EEA1: variants seen among roughly 807,000 people sequenced by gnomAD.
The protein encoded by EEA1 is early endosome antigen 1, also known as early endosome antigen 1, 162kD.
EEA1 carries 111 observed loss-of-function variants against 209.2 expected under a neutral mutation model. The ratio of observed to expected loss-of-function variants is 0.53; its 90% CI spans 0.45 to 0.62. The LOEUF (loss-of-function observed/expected upper bound fraction) is 0.62, where lower values mean the gene tolerates loss of function less well. EEA1 is among the 20% of genes least tolerant of loss of function. The probability of loss-of-function intolerance (pLI) is 0.00; values close to 1 mark genes in which losing one functional copy is unlikely to be tolerated. For missense variants in EEA1, 1,343 were observed against 1,530.8 expected (o/e 0.88, Z 2.05); for synonymous variants, 536 against 540.6 (o/e 0.99, Z 0.12).
At position 92,880,722 on chromosome 12, in the gene EEA1, G is replaced by A. The variant is rs1378669654; in HGVS notation, c.117+10907C>T. Among the ~76,000 whole-genome samples, 14 of 152,172 alleles carry A rather than the reference G, an allele frequency of 9.2e-5. No individual in the cohort carries two copies. In the East Asian group the frequency reaches 9.6e-4, roughly 10 times the overall value. ...GATCTCCTGACCTCGTGATCAGCCC[G>A]CCTCGGCCTCCCAAAGTGCTGGGAT... On this transcript the variant is annotated intron_variant, in intron 2 of 28. Transcript: ENST00000322349.
chr12:92,829,634 T>G (rs1876513134), intron 11 of EEA1, among the ~76,000 whole-genome samples: 1 of 151,000 alleles, frequency 6.6e-6, no homozygotes, highest in Non-Finnish European at 1.5e-5. Flanking sequence ...AGAAAGTCAG[T>G]CAGGTGTGGT....
At position 92,908,121 on chromosome 12, in the gene EEA1, A is replaced by G. The variant is rs148567184; in HGVS notation, c.25-16400T>C. 4.0e-3 allele frequency among the ~76,000 whole-genome samples: 605 copies of G among 152,378 alleles called. 4 individuals carry two copies. Among genetic ancestry groups the G allele is most frequent in the African/African-American group, 0.014 (569 of 41,592 alleles). ...TGGATAAACAAAAGGTAGTATATAC[A>G]TCCACAATGAAATATTATTCAGCCT... On this transcript the variant is annotated intron_variant, in intron 1 of 28. Transcript: ENST00000322349.
chr12:92,926,251 C>T (rs1477516385), intron 1 of EEA1, among the ~76,000 whole-genome samples: 1 of 151,520 alleles, frequency 6.6e-6, no homozygotes, highest in Non-Finnish European at 1.5e-5. Flanking sequence ...TCTCGGCCTC[C>T]CAAAGTGCTG....
chr12:92,927,769 T>C (rs4760404), intron 1 of EEA1, among the ~76,000 whole-genome samples: 39,280 of 152,134 alleles, frequency 0.26, 5,576 homozygotes, highest in Non-Finnish European at 0.32. Context: ...ATGGGGAAAG[T>C]AAAGGACATG....
chr12:92,884,532 G>A, intron 2 of EEA1: 2 of 1,490,040 alleles, frequency 1.3e-6, no homozygotes, highest in South Asian at 2.3e-5. Flanking sequence ...AATGATTTTG[G>A]CAATTACAAC....
rs115836834 is a variant in EEA1 at position 92,778,443 on chromosome 12, C to A, written c.3655-264G>T. Among the ~76,000 whole-genome samples the A allele has an allele frequency of 3.2e-3, 489 of 152,110 alleles. 3 individuals carry two copies. Among genetic ancestry groups the A allele is most frequent in the African/African-American group, 0.011 (461 of 41,530 alleles). On this transcript the variant is annotated intron_variant, in intron 25 of 28. Transcript: ENST00000322349. ...CACAATGTGAGATCTTTCTTCTTCT[C>A]CACCAGAGCAGGAAAGACACATATG...
intron 2 of EEA1, among the ~76,000 whole-genome samples, chr12:92,879,635 C>A (rs1879055449): frequency 1.3e-5 from 2 of 152,046 alleles, no homozygotes; most frequent in African/African-American, 2.4e-5. Context: ...GAAAAAAACC[C>A]ATGGCTACCA....
At chr12:92,904,090 G>A (rs1880267843) in intron 1 of EEA1, among the ~76,000 whole-genome samples, 1 of 151,888 alleles carries the variant, frequency 6.6e-6, no homozygotes, top group East Asian at 1.9e-4. Flanking sequence ...AGCCTCCTGA[G>A]TAGCTGGGAT....
At chr12:92,825,420 C>T (rs1316837994) in intron 13 of EEA1, among the ~76,000 whole-genome samples, 1 of 150,950 alleles carries the variant, frequency 6.6e-6, no homozygotes, top group Non-Finnish European at 1.5e-5. Context: ...CGCCACTGCA[C>T]TCCAGCTCCA....
At chr12:92,851,005 A>G (rs1020052301) in intron 9 of EEA1, 106 bp downstream of exon 9, 1 of 1,060,542 alleles carries the variant, frequency 9.4e-7, no homozygotes, top group Non-Finnish European at 1.3e-6. Flanking sequence ...AGAAAGACAA[A>G]TATTTTGATA....
Position 92,773,061 on chromosome 12 carries a change from T to C in EEA1, c.*2950A>G, listed in dbSNP as rs1322099089. On this transcript the variant is annotated 3_prime_UTR_variant, in exon 29 of 29. Coordinates refer to ENST00000322349, the MANE Select transcript of EEA1 (RefSeq NM_003566.4). Reference sequence around the variant, plus strand: ...CGTTATAATTACAGAATACCATTCATCAAGCTCATGTCTAGGAATACTATA... The same window carrying C: ...CGTTATAATTACAGAATACCATTCACCAAGCTCATGTCTAGGAATACTATA... The C allele has an allele frequency of 1.3e-5, 2 of 152,174 alleles. No homozygotes were observed. Among genetic ancestry groups the C allele is most frequent in the African/African-American group, 4.8e-5 (2 of 41,416 alleles). 9.4% of individuals were successfully genotyped at this position (152,174 alleles called of 1,614,324 possible). A position where few individuals can be genotyped will look rare whatever the true frequency, so the allele number is the denominator to read the frequency against.
At position 92,796,274 on chromosome 12, in the gene EEA1, C is replaced by T. The variant is rs542910707; in HGVS notation, c.2967+2618G>A. Among the ~76,000 whole-genome samples the T allele has an allele frequency of 7.9e-5, 12 of 152,152 alleles. No individual in the cohort carries two copies. The South Asian group carries it at 2.5e-3, about 32-fold the overall frequency. The stretch of plus-strand genomic sequence containing the variant: ...TGGTGAGGGATTGTTGACTTAACAG[C>T]ATGCTTTCTTGATTCTAGATCAGTA... On this transcript the variant is annotated intron_variant, in intron 21 of 28. Coordinates refer to ENST00000322349, the MANE Select transcript of EEA1 (RefSeq NM_003566.4).
At chr12:92,830,232 G>A (rs987944509) in intron 11 of EEA1, among the ~76,000 whole-genome samples, 5 of 152,000 alleles carry the variant, frequency 3.3e-5, no homozygotes, top group Non-Finnish European at 7.4e-5. Context: ...GGTAAATTAC[G>A]TGTCACAGGG....
chr12:92,902,522 C>A (rs1013375047), intron 1 of EEA1, among the ~76,000 whole-genome samples: 1 of 152,154 alleles, frequency 6.6e-6, no homozygotes, highest in East Asian at 1.9e-4. Context: ...GTGGGCATAA[C>A]ACGAGGTCAG....
chr12:92,781,844 G>A (rs1325511380), intron 23 of EEA1, 106 bp downstream of exon 23: 1 of 997,426 alleles, frequency 1.0e-6, no homozygotes, highest in Non-Finnish European at 1.4e-6. Context: ...TGAGAGAGCT[G>A]TTGAAAATAA....
intron 22 of EEA1, among the ~76,000 whole-genome samples, chr12:92,784,073 C>T (rs1436430038): frequency 2.0e-5 from 3 of 152,090 alleles, no homozygotes; most frequent in Non-Finnish European, 2.9e-5. Context: ...CACTAAACCC[C>T]TTGAGGCTTT....
intron 3 of EEA1, among the ~76,000 whole-genome samples, chr12:92,859,953 G>C (rs886404230): frequency 2.0e-5 from 3 of 152,172 alleles, no homozygotes; most frequent in African/African-American, 7.2e-5. Context: ...CAAGTTCCCA[G>C]TTGGAGCTCT....
chr12:92,922,789 C>T (rs1327432326), intron 1 of EEA1, among the ~76,000 whole-genome samples: 1 of 151,474 alleles, frequency 6.6e-6, no homozygotes, highest in Non-Finnish European at 1.5e-5. Flanking sequence ...CCCATCTCTA[C>T]TAAAAATACA....
At chr12:92,887,182 A>G (rs1350840406) in intron 2 of EEA1, among the ~76,000 whole-genome samples, 1 of 152,020 alleles carries the variant, frequency 6.6e-6, no homozygotes, top group Non-Finnish European at 1.5e-5. Flanking sequence ...AAACAAAAAA[A>G]AAGGATATAA....
Sources: allele counts gnomAD v4.1 joint callset (sites outside exome capture counted in the v4.1 genomes callset), GRCh38; gene constraint gnomAD v4.1.1; transcripts MANE v1.5; gene names NCBI Gene and HGNC (gene_info 2026-07-23, HGNC 2026-07-21).